The following NAA25 variants were observed in gnomAD, a reference collection of about 807,000 sequenced individuals.
NAA25 encodes N-terminal acetyltransferase B complex subunit NAA25.
A neutral mutation model predicts 132.5 loss-of-function variants in NAA25; 30 were observed. The ratio of observed to expected loss-of-function variants is 0.23; its 90% CI spans 0.17 to 0.31. The LOEUF is 0.31. Ranked by LOEUF, NAA25 falls within the 10% of genes least tolerant of loss-of-function variation. NAA25 has a pLI of 1.00. For missense variants in NAA25, 771 were observed against 1,150.4 expected (o/e 0.67, Z 4.77); for synonymous variants, 359 against 401.9 (o/e 0.89, Z 1.28).
chr12:112,048,183 T>C (rs1175505278), intron 16 of NAA25, 109 bp downstream of exon 16: 4 of 1,055,572 alleles, frequency 3.8e-6, no homozygotes, highest in African/African-American at 3.2e-5. Context: ...TCTCCCTTTT[T>C]TCCCCCTATT....
intron 3 of NAA25, 64 bp downstream of exon 3, chr12:112,090,662 A>G: frequency 6.5e-7 from 1 of 1,541,718 alleles, no homozygotes; most frequent in African/African-American, 1.4e-5. Context: ...GACAAGGGCA[A>G]ACAGTCAGAA....
At chr12:112,087,546 C>T in intron 4 of NAA25, 137 bp downstream of exon 4, 1 of 625,692 alleles carries the variant, frequency 1.6e-6, no homozygotes. Context: ...AGGAAAACAA[C>T]TGACTGACCT....
At chr12:112,030,698 G>A (rs1405018228) in intron 23 of NAA25, among the ~76,000 whole-genome samples, 1 of 152,146 alleles carries the variant, frequency 6.6e-6, no homozygotes, top group Non-Finnish European at 1.5e-5. Flanking sequence ...GAAGAAACCG[G>A]GAACATACTT....
At chr12:112,079,323 A>T (rs192087790) in intron 5 of NAA25, among the ~76,000 whole-genome samples, 156 of 152,080 alleles carry the variant, frequency 1.0e-3, no homozygotes, top group African/African-American at 3.5e-3. Flanking sequence ...GTGGCTCATG[A>T]CTGTAAACTT....
In NAA25 at chr12:112,049,520, G is replaced by A. The variant is rs1476149175; in HGVS notation, c.1729-1077C>T. 7 of 985,736 alleles carry A rather than the reference G, an allele frequency of 7.1e-6. No homozygotes were observed. The highest frequency in any genetic ancestry group is 6.1e-5 in the Admixed American group (1 of 16,266). 61.1% of individuals were successfully genotyped at this position (985,736 alleles called of 1,614,324 possible). ...AGCCTTGCAGGGTTCATTTCAGGCCGCGGGATTGCGCCACGGGCGCTAATT... is the reference window on the plus strand; with the variant it reads ...AGCCTTGCAGGGTTCATTTCAGGCCACGGGATTGCGCCACGGGCGCTAATT... On this transcript the variant is annotated intron_variant, in intron 15 of 23. Coordinates refer to ENST00000261745, the MANE Select transcript of NAA25 (RefSeq NM_024953.4). This position sits in a 1 kb window ranked among gnomAD's most constrained non-coding sequence, Gnocchi z 4.7.
chr12:112,048,947 T>G (rs2078425595), intron 15 of NAA25, among the ~76,000 whole-genome samples: 1 of 151,096 alleles, frequency 6.6e-6, no homozygotes, highest in South Asian at 2.1e-4. Context: ...TTCTGAATAC[T>G]GTATTAGAAA....
intron 10 of NAA25, 37 bp downstream of exon 10, chr12:112,071,855 AGGG>A: frequency 6.5e-7 from 1 of 1,545,196 alleles, no homozygotes; most frequent in African/African-American, 1.4e-5. Context: ...TTGGGTATTA[AGGG>A]CATTCTCCAG....
chr12:112,033,546 C>G (rs1001080783), intron 22 of NAA25, 167 bp from the exon 23 acceptor site: 5 of 444,730 alleles, frequency 1.1e-5, no homozygotes, highest in Admixed American at 8.3e-5. Flanking sequence ...TTTGGAGATA[C>G]AAAATAACAC....
chr12:112,042,025 G>A lies in NAA25; in HGVS notation c.2440+14C>T. ...CCAGATACAAATACAGGAATCTACA[G>A]TAGGAAAACTTACCTTTTAACTGGT... On this transcript the variant is annotated intron_variant, in intron 20 of 23. Coordinates refer to ENST00000261745, the MANE Select transcript of NAA25 (RefSeq NM_024953.4). The A allele has an allele frequency of 7.0e-7, 1 of 1,424,960 alleles. No individual in the cohort carries two copies. The highest frequency in any genetic ancestry group is 9.4e-7 in the Non-Finnish European group (1 of 1,062,838). 88.3% of individuals were successfully genotyped at this position (1,424,960 alleles called of 1,614,324 possible). A position where few individuals can be genotyped will look rare whatever the true frequency, so the allele number is the denominator to read the frequency against.
At position 112,047,713 on chromosome 12, in the gene NAA25, C is replaced by T. The variant is rs749092307; in HGVS notation, c.1958G>A (p.Arg653Gln). Reference protein sequence around the residue: ...EEDDIPWEDLRDNRDLNVFFS... With the variant: ...EEDDIPWEDLQDNRDLNVFFS... The stretch of plus-strand genomic sequence containing the variant: ...AAAAACATTTAAGTCTCTGTTGTCT[C>T]GCAAATCTTCCCATGGAATGTCATC... The change falls in exon 17 of 24, where the codon CGA (arginine) becomes CAA (glutamine). Residue 653 changes from arginine to glutamine, a missense_variant. Physicochemically the swap from Arg to Gln is conservative, Grantham distance 43. Coordinates refer to ENST00000261745, the MANE Select transcript of NAA25 (RefSeq NM_024953.4). 6 of 1,614,020 alleles carry T rather than the reference C, an allele frequency of 3.7e-6. No individual in the cohort carries two copies. The highest frequency in any genetic ancestry group is 1.7e-5 in the Admixed American group (1 of 60,014).
intron 3 of NAA25, among the ~76,000 whole-genome samples, chr12:112,088,317 G>GTTTTT (rs1025838850): frequency 5.3e-5 from 4 of 75,596 alleles, no homozygotes; most frequent in African/African-American, 1.1e-4. Context: ...GTATATTGTA[G>GTTTTT]TTTTTTTTTT....
intron 1 of NAA25, among the ~76,000 whole-genome samples, chr12:112,107,328 G>A (rs1253467717): frequency 1.3e-5 from 2 of 151,554 alleles, no homozygotes; most frequent in Non-Finnish European, 2.9e-5. Flanking sequence ...AATACTAACT[G>A]AGTGGCCTTA....
At chr12:112,064,727 A>G (rs2078688541) in intron 11 of NAA25, among the ~76,000 whole-genome samples, 1 of 152,178 alleles carries the variant, frequency 6.6e-6, no homozygotes, top group African/African-American at 2.4e-5. Flanking sequence ...TGTGCAAAAA[A>G]TTTCTTTAAA....
chr12:112,040,414 G>A, intron 21 of NAA25, 67 bp downstream of exon 21: 1 of 972,122 alleles, frequency 1.0e-6, no homozygotes. Context: ...CCTGTTCACT[G>A]TTGAAAAATG....
chr12:112,070,273 GATCATAAAGA>G (rs1262930349), intron 10 of NAA25, among the ~76,000 whole-genome samples: 2 of 152,152 alleles, frequency 1.3e-5, no homozygotes, highest in African/African-American at 4.8e-5. Context: ...TGAGCAATAA[GATCATAAAGA>G]ATCATTTTAT....
At chr12:112,058,156 TA>T (rs77520297) in intron 13 of NAA25, among the ~76,000 whole-genome samples, 337 of 129,252 alleles carry the variant, frequency 2.6e-3, no homozygotes, top group Admixed American at 4.3e-3. Flanking sequence ...CAAAACAAAC[TA>T]AAAAAAAAAA....
At chr12:112,060,989 A>G (rs1167558311) in intron 12 of NAA25, among the ~76,000 whole-genome samples, 192 bp downstream of exon 12, 2 of 152,222 alleles carry the variant, frequency 1.3e-5, no homozygotes, top group Non-Finnish European at 2.9e-5. Context: ...CAGACAACTG[A>G]AAGCCAATCA....
rs750262057 is a variant in NAA25, at chr12:112,074,784, T to C, written c.777-20A>G. On this transcript the variant is annotated intron_variant, in intron 8 of 23. Transcript: ENST00000261745. ...TCTGAGCTAAAATCAGATTGAATGA[T>C]GCACACAGGATTAAACCCAAGTTGT... 7 of 1,520,330 alleles carry C rather than the reference T, an allele frequency of 4.6e-6. No homozygotes were observed. The highest frequency in any genetic ancestry group is 4.5e-5 in the East Asian group (2 of 43,982). The allele number at this position is 1,520,330 out of a possible 1,614,324, so 94.2% of individuals were successfully genotyped here. A position where few individuals can be genotyped will look rare whatever the true frequency, so the allele number is the denominator to read the frequency against.
chr12:112,097,946 C>T (rs891548955), intron 1 of NAA25, among the ~76,000 whole-genome samples: 4 of 151,700 alleles, frequency 2.6e-5, no homozygotes, highest in African/African-American at 9.7e-5. Flanking sequence ...GGTGAAACCC[C>T]GTCTCTACCA....
Sources: allele counts gnomAD v4.1 joint callset (sites outside exome capture counted in the v4.1 genomes callset), GRCh38; gene constraint gnomAD v4.1.1; non-coding constraint Gnocchi (gnomAD v3.1); transcripts MANE v1.5; gene names NCBI Gene and HGNC (gene_info 2026-07-23, HGNC 2026-07-21).